Variants in IRS1 observed in about 807,000 individuals in gnomAD.
The protein encoded by IRS1 is insulin receptor substrate 1.
In IRS1, 34 loss-of-function variants were observed where a neutral mutation model predicts 65.6. That is an observed-to-expected ratio of 0.52 (90% CI 0.39 to 0.69). The LOEUF (loss-of-function observed/expected upper bound fraction) is 0.69, where lower values mean the gene tolerates loss of function less well. IRS1 is among the 30% of genes least tolerant of loss of function. The pLI is 0.00. For synonymous variants in IRS1, 699 were observed against 683.5 expected, an observed-to-expected ratio of 1.02 and a Z score of -0.35; for missense variants, 1,641 against 1,720.2, an observed-to-expected ratio of 0.95 and a Z score of 0.81.
chr2:226,799,599 G>A lies in IRS1; in HGVS notation c.-861C>T. 9.8e-7 allele frequency: 1 copy of A among 1,019,848 alleles called. No homozygotes were observed. The highest frequency in any genetic ancestry group is 1.2e-6 in the Non-Finnish European group (1 of 841,986). The allele number at this position is 1,019,848 out of a possible 1,614,324, so 63.2% of individuals were successfully genotyped here. ...AGAGGGGATGGGGGAGGTTTGGGAA[G>A]GGTTCGGGGAAGACGCCTGTTCCTC... On this transcript the variant is annotated 5_prime_UTR_variant, in exon 1 of 2. Coordinates refer to ENST00000305123, the MANE Select transcript of IRS1 (RefSeq NM_005544.3). This position sits in a 1 kb window ranked among gnomAD's most constrained non-coding sequence, Gnocchi z 6.1.
At position 226,798,380 on chromosome 2, in the gene IRS1, T is replaced by A; in HGVS notation, c.359A>T (p.His120Leu). ...LLQLHNRAKG[H>L]HDGAAALGAG... is the part of the protein sequence containing the mutation. ...CCCGAGGGCCGCAGCTCCGTCGTGG[T>A]GGCCCTTAGCACGGTTGTGCAGCTG... Residue 120 changes from histidine (H) to leucine (L), a missense_variant, in exon 1 of 2, where the codon CAC becomes CTC. This residue lies in a region of IRS1 where 240 missense variants were observed against 229.6 expected (regional missense o/e 1.05). Transcript: ENST00000305123. This position sits in a 1 kb window ranked among gnomAD's most constrained non-coding sequence, Gnocchi z 9.4. 9 of 1,613,888 alleles carry A rather than the reference T, an allele frequency of 5.6e-6. No homozygotes were observed. The highest frequency in any genetic ancestry group is 7.6e-6 in the Non-Finnish European group (9 of 1,179,960).
At chr2:226,785,221 G>A (rs1322742628) in intron 1 of IRS1, among the ~76,000 whole-genome samples, 3 of 152,122 alleles carry the variant, frequency 2.0e-5, no homozygotes, top group Non-Finnish European at 2.9e-5. Flanking sequence ...ACTCAGTCTT[G>A]GGGGAATGAA....
chr2:226,743,624 T>A (rs749845850), intron 1 of IRS1, among the ~76,000 whole-genome samples: 2 of 152,226 alleles, frequency 1.3e-5, no homozygotes, highest in East Asian at 1.9e-4. Context: ...TAAGTGAGAA[T>A]GTCATACGAA....
At chr2:226,776,154 A>G (rs1939268511) in intron 1 of IRS1, among the ~76,000 whole-genome samples, 1 of 152,186 alleles carries the variant, frequency 6.6e-6, no homozygotes, top group Non-Finnish European at 1.5e-5. Context: ...CAAAAGCAAG[A>G]ACCCACAATG....
Position 226,798,629 on chromosome 2 carries a change from T to G in IRS1, c.110A>C (p.Glu37Ala). 3 of 1,613,012 alleles carry G rather than the reference T, an allele frequency of 1.9e-6. No individual in the cohort carries two copies. Among genetic ancestry groups the G allele is most frequent in the Non-Finnish European group, 2.5e-6 (3 of 1,179,554 alleles). Residue 37 changes from glutamate (E) to alanine (A), a missense_variant, in exon 1 of 2, where the codon GAG becomes GCG. Physicochemically the swap from Glu to Ala is moderately radical, Grantham distance 107 (BLOSUM62 -1). This residue lies in a region of IRS1 where 240 missense variants were observed against 229.6 expected (regional missense o/e 1.05). Coordinates refer to ENST00000305123, the MANE Select transcript of IRS1 (RefSeq NM_005544.3). This position sits in a 1 kb window ranked among gnomAD's most constrained non-coding sequence, Gnocchi z 9.4. ...KRFFVLRAAS[E>A]AGGPARLEYY... Reference sequence around the variant, plus strand: ...CTCGAGGCGCGCCGGGCCCCCAGCCTCGCTGGCCGCGCGCAGTACGAAGAA... The same window carrying G: ...CTCGAGGCGCGCCGGGCCCCCAGCCGCGCTGGCCGCGCGCAGTACGAAGAA...
intron 1 of IRS1, among the ~76,000 whole-genome samples, chr2:226,738,399 T>C (rs1379145470): frequency 6.6e-6 from 1 of 152,226 alleles, no homozygotes; most frequent in East Asian, 1.9e-4. Flanking sequence ...AAGTCAAAGT[T>C]TACCAAATGA....
chr2:226,794,425 G>T lies in IRS1; in HGVS notation c.*21+564C>A, dbSNP rs1044670193. Among the ~76,000 whole-genome samples the T allele has an allele frequency of 5.3e-5, 8 of 152,186 alleles. No individual in the cohort carries two copies. Among genetic ancestry groups the T allele is most frequent in the African/African-American group, 1.2e-4 (5 of 41,452 alleles). ...ATATTTCTAAAAAGCTCTTACTCCT[G>T]ATCTTTTTAGGGCAGGATGAATAGA... On this transcript the variant is annotated intron_variant, in intron 1 of 1. Coordinates refer to ENST00000305123, the MANE Select transcript of IRS1 (RefSeq NM_005544.3). This position sits in a 1 kb window ranked among gnomAD's most constrained non-coding sequence, Gnocchi z 4.1.
chr2:226,781,591 G>C (rs1159026421), intron 1 of IRS1, among the ~76,000 whole-genome samples: 1 of 152,126 alleles, frequency 6.6e-6, no homozygotes, highest in African/African-American at 2.4e-5. Context: ...TGGGAAGCAG[G>C]CTTTGAAGAC....
chr2:226,789,120 A>T (rs1291382596), intron 1 of IRS1, among the ~76,000 whole-genome samples: 1 of 152,258 alleles, frequency 6.6e-6, no homozygotes, highest in Non-Finnish European at 1.5e-5. Flanking sequence ...AAAACCTTAA[A>T]ACTGTGAAAT....
intron 1 of IRS1, among the ~76,000 whole-genome samples, chr2:226,784,853 T>C (rs1028951588): frequency 2.8e-4 from 42 of 152,242 alleles, no homozygotes; most frequent in African/African-American, 9.6e-4. Flanking sequence ...ATAAATGTTT[T>C]TGACCACTAG....
At position 226,798,147 on chromosome 2, in the gene IRS1, T is replaced by A; in HGVS notation, c.592A>T (p.Asn198Tyr). 1 of 1,613,992 alleles carries A rather than the reference T, an allele frequency of 6.2e-7. No individual in the cohort carries two copies. The highest frequency in any genetic ancestry group is 8.5e-7 in the Non-Finnish European group (1 of 1,180,026). The change falls in exon 1 of 2, where the codon AAC becomes TAC. Residue 198 changes from asparagine to tyrosine, a missense_variant. Around this residue, in one of 3 missense-constraint regions of IRS1, gnomAD observed 77 missense variants for 129.6 expected, o/e 0.59. Transcript: ENST00000305123. This position sits in a 1 kb window ranked among gnomAD's most constrained non-coding sequence, Gnocchi z 9.4. ...AGCACCACGGCCGCTGCCTCCGAGT[T>A]CAGCTTCACGAAGCTGATGGTCTTG... ...TSKTISFVKL[N>Y]SEAAAVVLQL... is the part of the protein sequence containing the mutation.
intron 1 of IRS1, among the ~76,000 whole-genome samples, chr2:226,770,613 G>A (rs1314815136): frequency 6.6e-6 from 1 of 152,146 alleles, no homozygotes; most frequent in Admixed American, 6.5e-5. Context: ...ACATATATAT[G>A]TGAATATGCA....
chr2:226,783,533 A>G (rs1166427943), intron 1 of IRS1, among the ~76,000 whole-genome samples: 2 of 152,232 alleles, frequency 1.3e-5, no homozygotes, highest in Non-Finnish European at 2.9e-5. Flanking sequence ...AACTCAATGA[A>G]TAGTTATTTA....
intron 1 of IRS1, among the ~76,000 whole-genome samples, chr2:226,788,437 T>A (rs1366489166): frequency 6.6e-6 from 1 of 152,188 alleles, no homozygotes; most frequent in Non-Finnish European, 1.5e-5. Context: ...AGCTCTATTA[T>A]TCAAAGATCA....
intron 1 of IRS1, among the ~76,000 whole-genome samples, chr2:226,753,494 C>T (rs924417486): frequency 6.6e-6 from 1 of 152,128 alleles, no homozygotes; most frequent in Non-Finnish European, 1.5e-5. Context: ...CGTGAATAAA[C>T]TTACATTTGA....
intron 1 of IRS1, among the ~76,000 whole-genome samples, chr2:226,786,737 A>G (rs1939495244): frequency 6.6e-6 from 1 of 151,628 alleles, no homozygotes; most frequent in African/African-American, 2.4e-5. Flanking sequence ...ATACAGAGAA[A>G]AAAATAGTGT....
intron 1 of IRS1, among the ~76,000 whole-genome samples, chr2:226,778,858 T>A (rs1473818027): frequency 4.6e-5 from 7 of 152,228 alleles, no homozygotes; most frequent in African/African-American, 1.7e-4. Flanking sequence ...CTCAAGCACA[T>A]ATACATCAAC....
In IRS1 at chr2:226,795,788, C is replaced by G; in HGVS notation, c.2951G>C (p.Ser984Thr). ...SICRPTRAVP[S>T]SRGDYMTMQM... ...CATGGTCATGTAGTCACCCCGGCTG[C>G]TGGGCACTGCCCGGGTAGGCCTGCA... is the stretch of plus-strand genomic sequence containing the variant. Residue 984 changes from serine to threonine, a missense_variant, in exon 1 of 2, where the codon AGC becomes ACC. Physicochemically the swap from Ser to Thr is moderately conservative, Grantham distance 58 (BLOSUM62 1). This residue lies in a region of IRS1 where 1,324 missense variants were observed against 1,361.0 expected (regional missense o/e 0.97). Coordinates refer to ENST00000305123, the MANE Select transcript of IRS1 (RefSeq NM_005544.3). 6.2e-7 allele frequency: 1 copy of G among 1,613,266 alleles called. No individual in the cohort carries two copies. Among genetic ancestry groups the G allele is most frequent in the South Asian group, 1.1e-5 (1 of 91,088 alleles).
chr2:226,750,558 CGTATT>C (rs1182777538), intron 1 of IRS1, among the ~76,000 whole-genome samples: 1 of 152,060 alleles, frequency 6.6e-6, no homozygotes, highest in Non-Finnish European at 1.5e-5. Flanking sequence ...TGACTACAAA[CGTATT>C]GTAAAGGAAG....
Sources: gnomAD v4.1 joint callset for allele counts (sites outside exome capture counted in the v4.1 genomes callset) on GRCh38, gnomAD v4.1.1 for gene constraint, gnomAD v4.1.1 regional missense constraint, Gnocchi (gnomAD v3.1) non-coding constraint, MANE v1.5 for transcripts, NCBI Gene and HGNC (gene_info 2026-07-23, HGNC 2026-07-21) for gene names.